RPS6KC1: variants seen among roughly 807,000 people sequenced by gnomAD.
RPS6KC1 encodes the protein inactive ribosomal protein S6 kinase delta-1.
A neutral mutation model predicts 103.8 loss-of-function variants in RPS6KC1; 54 were observed. The ratio of observed to expected loss-of-function variants is 0.52; its 90% CI spans 0.42 to 0.65. The LOEUF (loss-of-function observed/expected upper bound fraction) is 0.65. Ranked by LOEUF, RPS6KC1 falls within the 30% of genes least tolerant of loss-of-function variation. The pLI is 0.00. For missense variants in RPS6KC1, 1,151 were observed against 1,253.8 expected (o/e 0.92, Z 1.24); for synonymous variants, 439 against 438.7 (o/e 1.00, Z -0.01).
At chr1:213,311,541 C>CT in the RPS6KC1 span, among the ~76,000 whole-genome samples, 2 of 152,086 alleles carry the variant, frequency 1.3e-5, no homozygotes, top group Non-Finnish European at 2.9e-5. Flanking sequence ...GAAATTTGGT[C>CT]TAAGTTGTCA....
intron 3 of RPS6KC1, among the ~76,000 whole-genome samples, chr1:213,090,447 T>A (rs891697679): frequency 1.9e-4 from 29 of 152,316 alleles, no homozygotes; most frequent in African/African-American, 5.3e-4. Flanking sequence ...GAGTTAAGAT[T>A]TAAAAGGTAG....
intron 4 of RPS6KC1, among the ~76,000 whole-genome samples, chr1:213,112,679 G>A (rs2083151064): frequency 6.6e-6 from 1 of 151,704 alleles, no homozygotes; most frequent in African/African-American, 2.4e-5. Context: ...TCGTCATCTA[G>A]CATTAGGTAT....
chr1:213,463,300 C>A, the RPS6KC1 span, among the ~76,000 whole-genome samples: 1 of 152,130 alleles, frequency 6.6e-6, no homozygotes, highest in African/African-American at 2.4e-5. Context: ...TTGGGCAAGC[C>A]GTAGGCTCTG....
At chr1:213,271,915 CATT>C (rs1573754950) in intron 14 of RPS6KC1, among the ~76,000 whole-genome samples, 1 of 152,046 alleles carries the variant, frequency 6.6e-6, no homozygotes, top group Non-Finnish European at 1.5e-5. Flanking sequence ...AAAAATTTGA[CATT>C]ATTAAACCAC....
chr1:213,097,719 C>G (rs2148712849), intron 3 of RPS6KC1, among the ~76,000 whole-genome samples: 1 of 152,348 alleles, frequency 6.6e-6, no homozygotes, highest in Middle Eastern at 3.4e-3. Context: ...GTGTAGCCAT[C>G]TTTATCAATG....
the RPS6KC1 span, among the ~76,000 whole-genome samples, chr1:213,560,306 G>A: frequency 1.3e-5 from 2 of 152,220 alleles, no homozygotes; most frequent in Non-Finnish European, 2.9e-5. Context: ...TCTGGGTTTA[G>A]AGGTCAGAGA....
Position 213,272,504 on chromosome 1 carries a change from C to A in RPS6KC1, c.3091-20C>A. ...TTGCCAGTTGGATTCCTGTTACTCA[C>A]TAAGTCCGTCTTTTTTTAGCTCTTG... On this transcript the variant is annotated intron_variant, in intron 14 of 14. Coordinates refer to ENST00000366960, the MANE Select transcript of RPS6KC1 (RefSeq NM_012424.6). 1.3e-6 allele frequency: 2 copies of A among 1,592,296 alleles called. No individual in the cohort carries two copies. The highest frequency in any genetic ancestry group is 1.7e-6 in the Non-Finnish European group (2 of 1,160,186).
rs976024469 is a variant in RPS6KC1, at chr1:213,051,302, C to A, written c.-103C>A. The A allele has an allele frequency of 6.2e-6, 5 of 804,536 alleles. No individual in the cohort carries two copies. Among genetic ancestry groups the A allele is most frequent in the Admixed American group, 4.5e-5 (2 of 44,556 alleles). The allele number at this position is 804,536 out of a possible 1,614,324, so 49.8% of individuals were successfully genotyped here. A position where few individuals can be genotyped will look rare whatever the true frequency, so the allele number is the denominator to read the frequency against. ...GTGGAGCCGCCTTGGAGCCACCGCC[C>A]CCTCGCCGCTTCGCCGCTGCGTTGG... On this transcript the variant is annotated 5_prime_UTR_variant, in exon 1 of 15. Coordinates refer to ENST00000366960, the MANE Select transcript of RPS6KC1 (RefSeq NM_012424.6).
the RPS6KC1 span, among the ~76,000 whole-genome samples, chr1:213,354,084 T>C: frequency 6.6e-6 from 1 of 152,240 alleles, no homozygotes; most frequent in South Asian, 2.1e-4. Flanking sequence ...ATATGGGTTC[T>C]GAGACCCTTA....
At chr1:213,505,673 C>T in the RPS6KC1 span, among the ~76,000 whole-genome samples, 1 of 152,126 alleles carries the variant, frequency 6.6e-6, no homozygotes, top group Non-Finnish European at 1.5e-5. Context: ...AGGAACCAGC[C>T]CAAGGTAACA....
chr1:213,116,692 A>G (rs866870861), intron 4 of RPS6KC1, among the ~76,000 whole-genome samples: 8 of 151,544 alleles, frequency 5.3e-5, no homozygotes, highest in Non-Finnish European at 8.8e-5. Flanking sequence ...GGCTGGTACC[A>G]GTTGTTCCTT....
chr1:213,444,085 C>T, the RPS6KC1 span, among the ~76,000 whole-genome samples: 1 of 152,082 alleles, frequency 6.6e-6, no homozygotes, highest in East Asian at 1.9e-4. Flanking sequence ...CTTTTCATGC[C>T]TCTCTCCTAG....
chr1:213,379,454 T>G, the RPS6KC1 span, among the ~76,000 whole-genome samples: 1 of 152,098 alleles, frequency 6.6e-6, no homozygotes. Flanking sequence ...ATGCCAAAGA[T>G]CGCCAGCAAA....
the RPS6KC1 span, among the ~76,000 whole-genome samples, chr1:213,798,350 T>C: frequency 2.0e-5 from 3 of 152,236 alleles, no homozygotes; most frequent in Admixed American, 1.3e-4. Context: ...CACAAAAATC[T>C]GCTTCAGCCC....
chr1:213,187,061 C>T (rs1374835481), intron 8 of RPS6KC1, among the ~76,000 whole-genome samples: 1 of 152,078 alleles, frequency 6.6e-6, no homozygotes, highest in East Asian at 1.9e-4. Context: ...CTTGTGCCAA[C>T]ATACCTGGCT....
At chr1:213,752,280 A>C in the RPS6KC1 span, among the ~76,000 whole-genome samples, 3 of 152,112 alleles carry the variant, frequency 2.0e-5, no homozygotes, top group Non-Finnish European at 4.4e-5. Flanking sequence ...TGGGCCAGAG[A>C]AAAAAATATT....
the RPS6KC1 span, among the ~76,000 whole-genome samples, chr1:213,758,879 C>G: frequency 3.3e-5 from 5 of 152,188 alleles, no homozygotes; most frequent in African/African-American, 1.2e-4. Context: ...GGTGAAGATG[C>G]TGTGAACATT....
At chr1:213,192,982 G>A (rs758884899) in intron 8 of RPS6KC1, among the ~76,000 whole-genome samples, 33 of 151,496 alleles carry the variant, frequency 2.2e-4, no homozygotes, top group Non-Finnish European at 3.7e-4. Context: ...CTTAATTTCC[G>A]TGTATTTCTG....
At chr1:213,631,004 C>T in the RPS6KC1 span, among the ~76,000 whole-genome samples, 28 of 152,310 alleles carry the variant, frequency 1.8e-4, no homozygotes, top group African/African-American at 6.5e-4. Flanking sequence ...ATAGGACCCT[C>T]TGAGCCAGGT....
Sources: gnomAD v4.1 joint callset for allele counts (sites outside exome capture counted in the v4.1 genomes callset) on GRCh38, gnomAD v4.1.1 for gene constraint, MANE v1.5 for transcripts, NCBI Gene and HGNC (gene_info 2026-07-23, HGNC 2026-07-21) for gene names.